Variants in BTRC observed in about 807,000 individuals in gnomAD.
BTRC encodes the protein beta-transducin repeat containing E3 ubiquitin protein ligase, also known as F-box/WD repeat-containing protein 1A.
In BTRC, 42 loss-of-function variants were observed where a neutral mutation model predicts 85.5. That is an observed-to-expected ratio of 0.49 (90% CI 0.38 to 0.64). The LOEUF (loss-of-function observed/expected upper bound fraction) is 0.64, where lower values mean the gene tolerates loss of function less well. BTRC is among the 30% of genes least tolerant of loss of function. BTRC has a pLI of 0.00. For synonymous variants in BTRC, 255 were observed against 263.3 expected (o/e 0.97, Z 0.30); for missense variants, 594 against 743.5 (o/e 0.80, Z 2.34).
chr10:101,403,074 T>G (rs1943529657), intron 1 of BTRC, among the ~76,000 whole-genome samples: 1 of 152,216 alleles, frequency 6.6e-6, no homozygotes, highest in African/African-American at 2.4e-5. Context: ...GTCAATCCAG[T>G]TTCATTTTTA....
At chr10:101,513,014 A>G (rs141991460) in intron 4 of BTRC, among the ~76,000 whole-genome samples, 37 of 152,344 alleles carry the variant, frequency 2.4e-4, no homozygotes, top group Non-Finnish European at 4.3e-4. Flanking sequence ...AGTAACCATT[A>G]TATCTCTCAT....
intron 2 of BTRC, among the ~76,000 whole-genome samples, chr10:101,458,031 G>A (rs369225512): frequency 6.6e-6 from 1 of 152,060 alleles, no homozygotes; most frequent in South Asian, 2.1e-4. Context: ...CAGACGTAAT[G>A]TTCCATCCCC....
intron 2 of BTRC, among the ~76,000 whole-genome samples, chr10:101,441,492 G>A (rs1022971346): frequency 6.6e-6 from 1 of 152,166 alleles, no homozygotes; most frequent in African/African-American, 2.4e-5. Context: ...AATGTGTTTG[G>A]AAGGGAGTCA....
chr10:101,543,808 C>T (rs1442406012), intron 13 of BTRC, among the ~76,000 whole-genome samples: 1 of 152,138 alleles, frequency 6.6e-6, no homozygotes, highest in Non-Finnish European at 1.5e-5. Flanking sequence ...TTTTCACCCC[C>T]ATCCTTTATG....
intron 4 of BTRC, among the ~76,000 whole-genome samples, chr10:101,493,631 A>G (rs1946189899): frequency 6.6e-6 from 1 of 152,272 alleles, no homozygotes; most frequent in African/African-American, 2.4e-5. Context: ...TGGAAATCGC[A>G]GAAGTATGCA....
intron 1 of BTRC, among the ~76,000 whole-genome samples, chr10:101,384,228 C>CT (rs1196321063): frequency 6.6e-6 from 1 of 152,230 alleles, no homozygotes; most frequent in Non-Finnish European, 1.5e-5. Flanking sequence ...ATTATTTTCA[C>CT]TTTTACAGAA....
intron 1 of BTRC, among the ~76,000 whole-genome samples, chr10:101,415,542 TTATG>T: frequency 2.6e-5 from 1 of 37,872 alleles, no homozygotes; most frequent in African/African-American, 7.1e-5. Flanking sequence ...TTATGTTATG[TTATG>T]TTATGTTATT....
At chr10:101,537,871 T>C (rs899849734) in intron 12 of BTRC, among the ~76,000 whole-genome samples, 1 of 152,216 alleles carries the variant, frequency 6.6e-6, no homozygotes, top group African/African-American at 2.4e-5. Context: ...TGAGGAAACA[T>C]GGCCTATTAA....
intron 3 of BTRC, among the ~76,000 whole-genome samples, chr10:101,463,794 T>C (rs1054674332): frequency 6.6e-6 from 1 of 152,206 alleles, no homozygotes; most frequent in Non-Finnish European, 1.5e-5. Flanking sequence ...GCCTTCTGAC[T>C]TCAGTTTATA....
chr10:101,367,368 G>T (rs1942497575), intron 1 of BTRC, among the ~76,000 whole-genome samples: 1 of 151,762 alleles, frequency 6.6e-6, no homozygotes, highest in African/African-American at 2.4e-5. Flanking sequence ...CACTGCGCCT[G>T]GCCTAGGTCT....
intron 1 of BTRC, among the ~76,000 whole-genome samples, chr10:101,356,456 A>G (rs542746937): frequency 6.6e-6 from 1 of 152,344 alleles, no homozygotes; most frequent in East Asian, 1.9e-4. Context: ...GCTTTGTACC[A>G]GTGAGTTATG....
At chr10:101,408,980 C>T (rs570360251) in intron 1 of BTRC, among the ~76,000 whole-genome samples, 9 of 152,190 alleles carry the variant, frequency 5.9e-5, no homozygotes, top group African/African-American at 1.2e-4. Flanking sequence ...ACCGGGGAGA[C>T]GGAGGTTGCA....
intron 2 of BTRC, among the ~76,000 whole-genome samples, chr10:101,455,540 G>A (rs950016581): frequency 4.6e-5 from 7 of 152,290 alleles, no homozygotes; most frequent in African/African-American, 1.7e-4. Context: ...TTAGGCGTAA[G>A]GGGATAAAGG....
At chr10:101,432,208 A>T (rs1944420936) in intron 2 of BTRC, among the ~76,000 whole-genome samples, 1 of 151,454 alleles carries the variant, frequency 6.6e-6, no homozygotes. Flanking sequence ...ACTCACAGCA[A>T]CCTCTGCCTA....
intron 12 of BTRC, 38 bp downstream of exon 12, chr10:101,536,691 A>G (rs375868661): frequency 1.6e-5 from 23 of 1,460,470 alleles, no homozygotes; most frequent in East Asian, 9.1e-5. Flanking sequence ...GAGAAAATCT[A>G]CGTCTTAATC....
intron 1 of BTRC, among the ~76,000 whole-genome samples, chr10:101,375,406 C>G (rs1942764085): frequency 1.3e-5 from 2 of 152,194 alleles, no homozygotes; most frequent in African/African-American, 4.8e-5. Flanking sequence ...ATTCACTACG[C>G]TTCTTGTACA....
At chr10:101,459,401 T>C (rs899537534) in intron 2 of BTRC, among the ~76,000 whole-genome samples, 1 of 152,208 alleles carries the variant, frequency 6.6e-6, no homozygotes, top group Non-Finnish European at 1.5e-5. Context: ...CTGCTTCTAC[T>C]CTTTAGTATT....
intron 2 of BTRC, among the ~76,000 whole-genome samples, chr10:101,446,373 T>C (rs1324519664): frequency 6.6e-6 from 1 of 152,160 alleles, no homozygotes; most frequent in Non-Finnish European, 1.5e-5. Context: ...GTTTGCTAGA[T>C]GTGCAGCTAC....
At chr10:101,491,969 G>T (rs1438939687) in intron 4 of BTRC, among the ~76,000 whole-genome samples, 1 of 147,200 alleles carries the variant, frequency 6.8e-6, no homozygotes, top group African/African-American at 2.5e-5. Context: ...AGTTGTTGTT[G>T]TTTTTTTTTT....
Sources: gnomAD v4.1 joint callset for allele counts (sites outside exome capture counted in the v4.1 genomes callset) on GRCh38, gnomAD v4.1.1 for gene constraint, MANE v1.5 for transcripts, NCBI Gene and HGNC (gene_info 2026-07-23, HGNC 2026-07-21) for gene names.